NRXN3: variants seen among roughly 807,000 people sequenced by gnomAD.
The protein encoded by NRXN3 is neurexin III.
A neutral mutation model predicts 137.6 loss-of-function variants in NRXN3; 32 were observed. The observed-to-expected ratio is 0.23, with a 90% CI of 0.18 to 0.31. The LOEUF is 0.31. NRXN3 is among the 10% of genes least tolerant of loss of function. The pLI is 1.00. For synonymous variants in NRXN3, 798 were observed against 784.5 expected (o/e 1.02, Z -0.29); for missense variants, 1,574 against 2,062.5 (o/e 0.76, Z 4.59).
intron 16 of NRXN3, among the ~76,000 whole-genome samples, chr14:79,625,503 A>G (rs2098272429): frequency 1.3e-5 from 2 of 152,128 alleles, no homozygotes; most frequent in Admixed American, 1.3e-4. Context: ...TGGTAGTTCT[A>G]GTTCTAATTG....
At chr14:78,860,864 T>G (rs1470525465) in intron 10 of NRXN3, among the ~76,000 whole-genome samples, 4 of 151,478 alleles carry the variant, frequency 2.6e-5, no homozygotes, top group Non-Finnish European at 4.4e-5. Flanking sequence ...ATGGAGGAGG[T>G]GGAAGGAGAG....
intron 16 of NRXN3, among the ~76,000 whole-genome samples, chr14:79,575,566 C>G (rs1411360264): frequency 6.6e-6 from 1 of 152,058 alleles, no homozygotes; most frequent in Admixed American, 6.6e-5. Context: ...CAACAAAAAT[C>G]AAAGTGCTTG....
At chr14:79,824,027 G>A (rs2099281554) in intron 20 of NRXN3, 4 of 376,564 alleles carry the variant, frequency 1.1e-5, no homozygotes, top group East Asian at 7.5e-5. Flanking sequence ...GATGGAACAC[G>A]AAGTGGCTTT....
chr14:78,786,233 G>C (rs1020161624), intron 8 of NRXN3, among the ~76,000 whole-genome samples: 1 of 152,118 alleles, frequency 6.6e-6, no homozygotes, highest in Non-Finnish European at 1.5e-5. Context: ...CTCAACTATT[G>C]ACATATTAAA....
intron 18 of NRXN3, among the ~76,000 whole-genome samples, chr14:79,696,143 G>T (rs546705937): frequency 1.3e-5 from 2 of 151,878 alleles, no homozygotes; most frequent in Admixed American, 1.3e-4. Context: ...CATTGAGAAG[G>T]TATTTCACAT....
At chr14:78,860,947 A>G (rs898130611) in intron 10 of NRXN3, among the ~76,000 whole-genome samples, 1 of 152,104 alleles carries the variant, frequency 6.6e-6, no homozygotes, top group Admixed American at 6.6e-5. Context: ...ACACAGCTCA[A>G]ATGCATGTTA....
chr14:79,149,444 A>T (rs544137650), intron 15 of NRXN3, among the ~76,000 whole-genome samples: 1 of 152,088 alleles, frequency 6.6e-6, no homozygotes, highest in African/African-American at 2.4e-5. Context: ...GATTGAAAGC[A>T]TAGGTGATTA....
intron 2 of NRXN3, chr14:78,250,014 T>G: frequency 2.1e-6 from 1 of 468,424 alleles, no homozygotes; most frequent in Non-Finnish European, 4.2e-6. Context: ...AGGCTCACAC[T>G]GTCTTAGGTG....
intron 10 of NRXN3, among the ~76,000 whole-genome samples, chr14:78,898,346 G>T (rs2099184583): frequency 6.6e-6 from 1 of 151,900 alleles, no homozygotes; most frequent in Admixed American, 6.6e-5. Context: ...TTTGAAGGAT[G>T]ACTGAAATGT....
intron 6 of NRXN3, among the ~76,000 whole-genome samples, chr14:78,668,946 G>A (rs1484237651): frequency 6.6e-6 from 1 of 152,034 alleles, no homozygotes; most frequent in African/African-American, 2.4e-5. Context: ...CTGTCTGTCT[G>A]TCTGTCTGTC....
intron 4 of NRXN3, among the ~76,000 whole-genome samples, chr14:78,520,393 G>T (rs1205899632): frequency 6.6e-6 from 1 of 152,044 alleles, no homozygotes; most frequent in Admixed American, 6.6e-5. Flanking sequence ...GCTTGGGTTG[G>T]AATTTCTTTA....
At chr14:78,923,813 A>T (rs2099277641) in intron 10 of NRXN3, among the ~76,000 whole-genome samples, 1 of 152,196 alleles carries the variant, frequency 6.6e-6, no homozygotes, top group Non-Finnish European at 1.5e-5. Context: ...TTAGAGTAGG[A>T]ATGCTACTAT....
chr14:79,820,350 G>A (rs1390832764), intron 20 of NRXN3, among the ~76,000 whole-genome samples: 1 of 152,068 alleles, frequency 6.6e-6, no homozygotes, highest in Non-Finnish European at 1.5e-5. Context: ...ACAGTATGGT[G>A]CAGGAAGGAG....
At chr14:79,678,433 G>A (rs1201204841) in intron 17 of NRXN3, among the ~76,000 whole-genome samples, 1 of 152,120 alleles carries the variant, frequency 6.6e-6, no homozygotes, top group Non-Finnish European at 1.5e-5. Flanking sequence ...ATCAGACCAA[G>A]TTTAAACCCA....
At chr14:78,957,775 A>G (rs1284474896) in intron 11 of NRXN3, among the ~76,000 whole-genome samples, 2 of 152,210 alleles carry the variant, frequency 1.3e-5, no homozygotes, top group African/African-American at 4.8e-5. Context: ...TCAGAACATT[A>G]CAGGTAAAAG....
chr14:78,620,445 G>A (rs2097391490), intron 4 of NRXN3, among the ~76,000 whole-genome samples: 1 of 152,158 alleles, frequency 6.6e-6, no homozygotes, highest in African/African-American at 2.4e-5. Flanking sequence ...TCACTGCAGA[G>A]TAGCTAGCAA....
chr14:79,094,258 A>T (rs188534079), intron 15 of NRXN3, among the ~76,000 whole-genome samples: 3 of 152,256 alleles, frequency 2.0e-5, no homozygotes, highest in African/African-American at 7.2e-5. Flanking sequence ...ACCGTGGCTT[A>T]CCTTGCTTCT....
At chr14:78,695,506 A>G (rs973902319) in intron 6 of NRXN3, 11 of 152,056 alleles carry the variant, frequency 7.2e-5, no homozygotes, top group Admixed American at 2.0e-4. Flanking sequence ...GGAAAGGTCT[A>G]ATTTAGGTCA....
chr14:79,239,981 T>A (rs1204986845), intron 15 of NRXN3, among the ~76,000 whole-genome samples: 1 of 152,050 alleles, frequency 6.6e-6, no homozygotes, highest in Non-Finnish European at 1.5e-5. Flanking sequence ...AGGCAGAGAA[T>A]AGAATAGTGG....
Sources: allele counts gnomAD v4.1 joint callset (sites outside exome capture counted in the v4.1 genomes callset), GRCh38; gene constraint gnomAD v4.1.1; transcripts MANE v1.5; gene names NCBI Gene and HGNC (gene_info 2026-07-23, HGNC 2026-07-21).